FAM210A: variants seen among roughly 807,000 people sequenced by gnomAD.
FAM210A encodes the protein mitochondrial inner membrane scaffold 1, also known as family with sequence similarity 210 member A.
A neutral mutation model predicts 25.3 loss-of-function variants in FAM210A; 13 were observed. That is an observed-to-expected ratio of 0.51 (90% confidence interval 0.33 to 0.82). The LOEUF is 0.82. Among genes scored for constraint, FAM210A ranks in the 40% least tolerant of loss-of-function variants. FAM210A has a pLI of 0.02. For missense variants in FAM210A, 319 were observed against 323.2 expected (o/e 0.99, Z 0.10); for synonymous variants, 125 against 118.7 (o/e 1.05, Z -0.35).
In FAM210A at chr18:13,671,977, C is replaced by CAA. The variant is rs369611940; in HGVS notation, c.474-6_474-5dup. ...AAAAGGAACGACATTCACTCCTCTACAAAAAAAAAAAAGTAATTTTCATAT... is the reference window on the plus strand; with the variant it reads ...AAAAGGAACGACATTCACTCCTCTACAAAAAAAAAAAAAAGTAATTTTCATAT... On this transcript the variant is annotated splice_polypyrimidine_tract_variant and splice_region_variant and intron_variant, in intron 2 of 3. Coordinates refer to ENST00000651643, the MANE Select transcript of FAM210A (RefSeq NM_152352.4). 6.5e-4 allele frequency: 810 copies of CAA among 1,243,588 alleles called. No individual in the cohort carries two copies. The highest frequency in any genetic ancestry group is 1.0e-3 in the Middle Eastern group (5 of 4,914). The allele number at this position is 1,243,588 out of a possible 1,614,324, so 77.0% of individuals were successfully genotyped here.
intron 1 of FAM210A, among the ~76,000 whole-genome samples, chr18:13,696,211 T>C (rs1372773135): frequency 1.3e-5 from 2 of 152,250 alleles, no homozygotes; most frequent in Non-Finnish European, 2.9e-5. Context: ...AAACTGTTTC[T>C]TGTATCAACA....
At chr18:13,719,821 C>CATTG (rs2043885719) in intron 1 of FAM210A, among the ~76,000 whole-genome samples, 1 of 152,090 alleles carries the variant, frequency 6.6e-6, no homozygotes, top group African/African-American at 2.4e-5. Context: ...CTTCACAAGA[C>CATTG]ATTGCAGTAG....
At chr18:13,683,446 T>C (rs1169522964) in intron 1 of FAM210A, among the ~76,000 whole-genome samples, 2 of 152,158 alleles carry the variant, frequency 1.3e-5, no homozygotes, top group Admixed American at 6.5e-5. Flanking sequence ...CGGCTTGTGG[T>C]TCCAGCTACT....
rs1164611873 is a variant in FAM210A, at chr18:13,666,716, T to TA, written c.586-4dup. The TA allele has an allele frequency of 1.2e-6, 2 of 1,608,118 alleles. No homozygotes were observed. The highest frequency in any genetic ancestry group is 1.7e-6 in the Non-Finnish European group (2 of 1,176,096). On this transcript the variant is annotated splice_polypyrimidine_tract_variant and splice_region_variant and intron_variant, in intron 3 of 3. Transcript: ENST00000651643. Reference sequence around the variant, plus strand: ...GTATACCGAGCAGGTGTTGCAATCTTAAGCAAAAAGCAAACAGAGGCAAAT... The same window carrying TA: ...GTATACCGAGCAGGTGTTGCAATCTTAAAGCAAAAAGCAAACAGAGGCAAAT...
At chr18:13,709,260 G>A (rs986864480) in intron 1 of FAM210A, among the ~76,000 whole-genome samples, 1 of 152,118 alleles carries the variant, frequency 6.6e-6, no homozygotes, top group African/African-American at 2.4e-5. Flanking sequence ...TAAACTGTAA[G>A]ACCAGGTCCT....
In FAM210A at chr18:13,682,065, C is replaced by T. The variant is rs779671314; in HGVS notation, c.13G>A (p.Val5Ile). The change falls in exon 2 of 4, where the codon GTA becomes ATA. Residue 5 changes from valine (V) to isoleucine (I), a missense_variant. Coordinates refer to ENST00000651643, the MANE Select transcript of FAM210A (RefSeq NM_152352.4). MQWN[V>I]PRTVSRLARR... ...GCCAGTCGAGATACAGTCCGTGGTA[C>T]ATTCCATTGCATTTTGAAGAGTGTT... is the stretch of plus-strand genomic sequence containing the variant. 3 of 1,578,008 alleles carry T rather than the reference C, an allele frequency of 1.9e-6. No homozygotes were observed. Among genetic ancestry groups the T allele is most frequent in the South Asian group, 2.3e-5 (2 of 85,328 alleles).
At position 13,677,335 on chromosome 18, in the gene FAM210A, A is replaced by G. The variant is rs138153315; in HGVS notation, c.473+4270T>C. Among the ~76,000 whole-genome samples, 1,221 of 152,254 alleles carry G rather than the reference A, an allele frequency of 8.0e-3. 20 individuals are homozygous for G. Among genetic ancestry groups the G allele is most frequent in the African/African-American group, 0.028 (1,178 of 41,546 alleles). On this transcript the variant is annotated intron_variant, in intron 2 of 3. Transcript: ENST00000651643. Reference sequence around the variant, plus strand: ...GTGATCCGCCCACCTCGGCCTCCCAAAGTGCTGGGATTACAGGCGTGAGCC... The same window carrying G: ...GTGATCCGCCCACCTCGGCCTCCCAGAGTGCTGGGATTACAGGCGTGAGCC...
intron 3 of FAM210A, among the ~76,000 whole-genome samples, chr18:13,671,564 G>C (rs2043442502): frequency 6.6e-6 from 1 of 151,148 alleles, no homozygotes; most frequent in African/African-American, 2.4e-5. Context: ...TTGTTATCTT[G>C]TTATCTCCCA....
At chr18:13,719,680 A>G (rs886257339) in intron 1 of FAM210A, among the ~76,000 whole-genome samples, 1 of 152,082 alleles carries the variant, frequency 6.6e-6, no homozygotes, top group Admixed American at 6.5e-5. Context: ...CATAATGCCT[A>G]CAAGACTGTT....
rs2043400345 is a variant in FAM210A, at chr18:13,666,245, C to T, written c.*235G>A. On this transcript the variant is annotated 3_prime_UTR_variant, in exon 4 of 4. Coordinates refer to ENST00000651643, the MANE Select transcript of FAM210A (RefSeq NM_152352.4). Reference sequence around the variant, plus strand: ...AGTCTGACTTCTAAGACATTAACCACTGCTTAATACTGCTACTGATGGCAA... The same window carrying T: ...AGTCTGACTTCTAAGACATTAACCATTGCTTAATACTGCTACTGATGGCAA... 2.1e-6 allele frequency: 1 copy of T among 473,426 alleles called. No homozygotes were observed. The highest frequency in any genetic ancestry group is 3.8e-6 in the Non-Finnish European group (1 of 263,304). 29.3% of individuals were successfully genotyped at this position (473,426 alleles called of 1,614,324 possible).
chr18:13,692,051 G>A (rs1190159819), intron 1 of FAM210A, among the ~76,000 whole-genome samples: 1 of 130,672 alleles, frequency 7.7e-6, no homozygotes, highest in Non-Finnish European at 1.6e-5. Flanking sequence ...TAAAGGGATG[G>A]AGGAAGATAT....
intron 1 of FAM210A, among the ~76,000 whole-genome samples, chr18:13,698,784 C>T (rs556893969): frequency 1.8e-4 from 27 of 152,262 alleles, no homozygotes; most frequent in Admixed American, 5.2e-4. Context: ...AACATCTTAT[C>T]GATATCCTCC....
At chr18:13,671,691 A>C (rs1349950108) in intron 3 of FAM210A, among the ~76,000 whole-genome samples, 171 bp downstream of exon 3, 2 of 133,948 alleles carry the variant, frequency 1.5e-5, no homozygotes, top group Admixed American at 7.5e-5. Context: ...CTCCATCTCC[A>C]AAAAAAAAAA....
At chr18:13,721,666 C>T (rs2043898437) in intron 1 of FAM210A, among the ~76,000 whole-genome samples, 1 of 152,050 alleles carries the variant, frequency 6.6e-6, no homozygotes, top group Non-Finnish European at 1.5e-5. Context: ...ATGTCTATAC[C>T]AGTTATGCAT....
chr18:13,716,683 A>G (rs1223563979), intron 1 of FAM210A, among the ~76,000 whole-genome samples: 3 of 152,050 alleles, frequency 2.0e-5, no homozygotes, highest in Non-Finnish European at 4.4e-5. Flanking sequence ...TGATCTCATG[A>G]TAGGGAGTTC....
chr18:13,681,973 A>G lies in FAM210A; in HGVS notation c.105T>C (p.Pro35=), dbSNP rs1330147209. 2 of 1,614,188 alleles carry G rather than the reference A, an allele frequency of 1.2e-6. No homozygotes were observed. The highest frequency in any genetic ancestry group is 1.7e-6 in the Non-Finnish European group (2 of 1,180,026). ...LFGHCQNVKG[P]LLLYNAESKV... is the part of the protein sequence containing the mutation. ...TGGATTCAGCATTGTATAAAAGTAA[A>G]GGTCCCTTTACATTTTGACAGTGTC... Residue 35 remains proline, a synonymous_variant, in exon 2 of 4, where the codon CCT becomes CCC. Transcript: ENST00000651643.
At chr18:13,688,403 C>T (rs1473235336) in intron 1 of FAM210A, among the ~76,000 whole-genome samples, 1 of 152,202 alleles carries the variant, frequency 6.6e-6, no homozygotes. Context: ...GAAAAAACAG[C>T]TGGACATCAA....
intron 2 of FAM210A, among the ~76,000 whole-genome samples, chr18:13,676,069 C>G (rs1392743894): frequency 6.7e-6 from 1 of 150,076 alleles, no homozygotes; most frequent in East Asian, 2.0e-4. Context: ...CATTCCTGAG[C>G]CGTGGTGACT....
intron 1 of FAM210A, among the ~76,000 whole-genome samples, chr18:13,702,098 C>T (rs2043745494): frequency 6.6e-6 from 1 of 152,190 alleles, no homozygotes; most frequent in Non-Finnish European, 1.5e-5. Context: ...GCTTGGCCCC[C>T]AAGGCTGTGG....
Sources: gnomAD v4.1 joint callset for allele counts (sites outside exome capture counted in the v4.1 genomes callset) on GRCh38, gnomAD v4.1.1 for gene constraint, MANE v1.5 for transcripts, NCBI Gene and HGNC (gene_info 2026-07-23, HGNC 2026-07-21) for gene names.